The following EPM2A variants were observed in gnomAD, a reference collection of about 807,000 sequenced individuals.
EPM2A encodes laforin.
A neutral mutation model predicts 26.5 loss-of-function variants in EPM2A; 21 were observed. The ratio of observed to expected loss-of-function variants is 0.79; its 90% confidence interval spans 0.56 to 1.14. The LOEUF is 1.14. Ranked by LOEUF, EPM2A falls within the 50% of genes most tolerant of loss-of-function variation. EPM2A has a pLI of 0.00. For missense variants in EPM2A, 458 were observed against 440.8 expected (o/e 1.04, Z -0.35); for synonymous variants, 217 against 177.6 (o/e 1.22, Z -1.76).
chr6:145,607,145 A>G (rs561504772), intron 2 of EPM2A, among the ~76,000 whole-genome samples: 1 of 152,294 alleles, frequency 6.6e-6, no homozygotes, highest in African/African-American at 2.4e-5. Context: ...AAAGCTGCCT[A>G]ATTCATGAAT....
intron 1 of EPM2A, among the ~76,000 whole-genome samples, chr6:145,733,904 C>G (rs1457525977): frequency 6.6e-6 from 1 of 151,992 alleles, no homozygotes; most frequent in African/African-American, 2.4e-5. Context: ...ATTTCATTGA[C>G]TTCAACTATT....
intron 2 of EPM2A, among the ~76,000 whole-genome samples, chr6:145,657,244 C>T (rs1313599803): frequency 6.6e-6 from 1 of 151,990 alleles, no homozygotes; most frequent in South Asian, 2.1e-4. Flanking sequence ...CGAGCACCAC[C>T]ACGCCTGGCT....
chr6:145,557,042 A>G (rs530344361), intron 2 of EPM2A, among the ~76,000 whole-genome samples: 7 of 152,256 alleles, frequency 4.6e-5, no homozygotes. Flanking sequence ...ACAGAAAATA[A>G]AAGTAGAGCA....
chr6:145,478,091 C>T (rs952723360), intron 4 of EPM2A, among the ~76,000 whole-genome samples: 1 of 151,734 alleles, frequency 6.6e-6, no homozygotes, highest in East Asian at 1.9e-4. Flanking sequence ...TTGCAGGATA[C>T]AAAATCAACA....
chr6:145,649,548 T>C (rs1777726618), intron 2 of EPM2A, among the ~76,000 whole-genome samples: 1 of 152,200 alleles, frequency 6.6e-6, no homozygotes, highest in South Asian at 2.1e-4. Flanking sequence ...AGTTAGCTTT[T>C]GGTTGTGTGA....
rs71552932 is a variant in EPM2A, at chr6:145,525,215, TTTTATTTATTTA to T, written c.341-22652_341-22641del. On this transcript the variant is annotated intron_variant, in intron 2 of 3. Transcript: ENST00000450221. The stretch of plus-strand genomic sequence containing the variant: ...AGCTGGGTTAATGTGATGCCTTCAA[TTTTATTTATTTA>T]TTTATTTATTTATTTATTTATTTAT... Among the ~76,000 whole-genome samples the T allele has an allele frequency of 9.3e-3, 1,362 of 147,068 alleles. 24 individuals are homozygous for T. The highest frequency in any genetic ancestry group is 0.03 in the African/African-American group (1,205 of 39,944).
In EPM2A at chr6:145,550,926, G is replaced by A. The variant is rs9403720; in HGVS notation, c.341-48351C>T. ...TCAACAGTAGGGTATTAGTAGTTTC[G>A]TTTGGGGAAAATCAAAACTTACATG... On this transcript the variant is annotated intron_variant, in intron 2 of 3. Transcript: ENST00000450221. Among the ~76,000 whole-genome samples, 126 of 151,938 alleles carry A rather than the reference G, an allele frequency of 8.3e-4. 1 individual carries two copies. The highest frequency in any genetic ancestry group is 2.5e-3 in the African/African-American group (105 of 41,474).
chr6:145,647,879 T>C (rs539898640), intron 2 of EPM2A, among the ~76,000 whole-genome samples: 2 of 152,352 alleles, frequency 1.3e-5, no homozygotes, highest in South Asian at 2.1e-4. Context: ...CAAGGATGTA[T>C]GTGTTAAATT....
At chr6:145,617,092 A>G (rs532156992) in intron 2 of EPM2A, among the ~76,000 whole-genome samples, 38 of 152,236 alleles carry the variant, frequency 2.5e-4, no homozygotes, top group African/African-American at 9.2e-4. Context: ...TCCCTACCCA[A>G]ATTTCATCTT....
intron 2 of EPM2A, among the ~76,000 whole-genome samples, chr6:145,605,909 C>T (rs1195997185): frequency 6.6e-6 from 1 of 152,026 alleles, no homozygotes; most frequent in Non-Finnish European, 1.5e-5. Flanking sequence ...GAACAAAAAA[C>T]TACAGGAAAT....
chr6:145,386,583 G>A (rs1191140571), intron 4 of EPM2A, among the ~76,000 whole-genome samples: 1 of 152,010 alleles, frequency 6.6e-6, no homozygotes, highest in African/African-American at 2.4e-5. Flanking sequence ...TTTTTTTAAA[G>A]TTCTTCACAC....
At chr6:145,442,980 C>G (rs1369913995) in intron 4 of EPM2A, among the ~76,000 whole-genome samples, 2 of 152,068 alleles carry the variant, frequency 1.3e-5, no homozygotes, top group African/African-American at 4.8e-5. Context: ...CCTGCCTCAG[C>G]CTTCTGAGTA....
chr6:145,634,072 G>A (rs1007540297), intron 3 of EPM2A, among the ~76,000 whole-genome samples: 1 of 152,076 alleles, frequency 6.6e-6, no homozygotes, highest in African/African-American at 2.4e-5. Flanking sequence ...TATACATTTG[G>A]GGGAAGAGGG....
intron 2 of EPM2A, among the ~76,000 whole-genome samples, chr6:145,568,412 T>A (rs781336987): frequency 2.0e-5 from 3 of 151,612 alleles, no homozygotes; most frequent in Admixed American, 6.6e-5. Flanking sequence ...CTCTGCCTCC[T>A]GGGTTCCAGC....
intron 4 of EPM2A, among the ~76,000 whole-genome samples, chr6:145,402,876 A>G (rs1778509336): frequency 1.3e-5 from 2 of 152,122 alleles, no homozygotes; most frequent in East Asian, 1.9e-4. Flanking sequence ...GTTACTTTCT[A>G]TGTAATAGCC....
intron 4 of EPM2A, among the ~76,000 whole-genome samples, chr6:145,464,635 C>A (rs1258340277): frequency 2.0e-5 from 3 of 151,928 alleles, no homozygotes; most frequent in African/African-American, 4.8e-5. Context: ...AATTTATGGT[C>A]CCTATGAATT....
At chr6:145,468,334 C>T (rs1044277297) in intron 4 of EPM2A, among the ~76,000 whole-genome samples, 8 of 152,038 alleles carry the variant, frequency 5.3e-5, no homozygotes, top group Admixed American at 4.6e-4. Flanking sequence ...ATTGTAAGTT[C>T]CTCATAAAAG....
At chr6:145,509,031 A>T (rs1229590028) in intron 2 of EPM2A, among the ~76,000 whole-genome samples, 1 of 152,202 alleles carries the variant, frequency 6.6e-6, no homozygotes, top group Non-Finnish European at 1.5e-5. Context: ...AAGTCAGACA[A>T]AAATGAAGAA....
chr6:145,701,543 G>A (rs1781909274), intron 1 of EPM2A, among the ~76,000 whole-genome samples: 1 of 152,144 alleles, frequency 6.6e-6, no homozygotes, highest in African/African-American at 2.4e-5. Context: ...CATATCTCAT[G>A]AGCCAGAACT....
Sources: gnomAD v4.1 joint callset for allele counts (sites outside exome capture counted in the v4.1 genomes callset) on GRCh38, gnomAD v4.1.1 for gene constraint, MANE v1.5 for transcripts, NCBI Gene and HGNC (gene_info 2026-07-23, HGNC 2026-07-21) for gene names.